NXPH1: variants seen among roughly 807,000 people sequenced by gnomAD.
NXPH1 encodes the protein neurexophilin-1.
In NXPH1, 5 loss-of-function variants were observed where a neutral mutation model predicts 23.7. The ratio of observed to expected loss-of-function variants is 0.21; its 90% CI spans 0.11 to 0.44. The LOEUF is 0.44. Ranked by LOEUF, NXPH1 falls within the 20% of genes least tolerant of loss-of-function variation. The pLI is 0.99. For synonymous variants in NXPH1, 144 were observed against 122.2 expected (o/e 1.18, Z -1.18); for missense variants, 324 against 321.6 (o/e 1.01, Z -0.06).
At chr7:8,475,197 G>T (rs1312730086) in intron 2 of NXPH1, among the ~76,000 whole-genome samples, 1 of 152,082 alleles carries the variant, frequency 6.6e-6, no homozygotes, top group Non-Finnish European at 1.5e-5. Flanking sequence ...CTTGTGTAAA[G>T]AGATCAAGGG....
chr7:8,737,561 A>T (rs928738416), intron 2 of NXPH1, among the ~76,000 whole-genome samples: 7 of 152,134 alleles, frequency 4.6e-5, no homozygotes, highest in Non-Finnish European at 1.0e-4. Flanking sequence ...GGCTGCCCTT[A>T]ACATTTTTTC....
At chr7:8,617,940 A>C (rs1248581811) in intron 2 of NXPH1, among the ~76,000 whole-genome samples, 1 of 152,116 alleles carries the variant, frequency 6.6e-6, no homozygotes, top group Non-Finnish European at 1.5e-5. Flanking sequence ...ACCCACGACA[A>C]TTAAAGTTTT....
intron 2 of NXPH1, among the ~76,000 whole-genome samples, chr7:8,617,028 G>T (rs1355953979): frequency 6.6e-6 from 1 of 152,076 alleles, no homozygotes; most frequent in Non-Finnish European, 1.5e-5. Context: ...GAGAGCAGTG[G>T]TTCTCAACTG....
At chr7:8,448,661 C>A (rs956089465) in intron 2 of NXPH1, among the ~76,000 whole-genome samples, 2 of 151,764 alleles carry the variant, frequency 1.3e-5, no homozygotes, top group Non-Finnish European at 2.9e-5. Context: ...TACTAAAATA[C>A]AAAAAACGAG....
rs1255681767 is a variant in NXPH1, at chr7:8,751,485, T to C, written c.532T>C (p.Leu178=). Residue 178 remains leucine, a synonymous_variant, in exon 3 of 3, where the codon TTG becomes CTG. Transcript: ENST00000405863. This position sits in a 1 kb window ranked among gnomAD's most constrained non-coding sequence, Gnocchi z 4.5. ...CCCTACAAAAATCGTGGAATTTGAC[T>C]TGGCACAACAAACCGTGATTGATGC... ...VPPTKIVEFD[L]AQQTVIDAKD... The C allele has an allele frequency of 1.2e-6, 2 of 1,613,698 alleles. No individual in the cohort carries two copies. Among genetic ancestry groups the C allele is most frequent in the African/African-American group, 1.3e-5 (1 of 74,938 alleles).
In NXPH1 at chr7:8,573,328, C is replaced by T. The variant is rs191732606; in HGVS notation, c.54+137561C>T. 3.3e-5 allele frequency among the ~76,000 whole-genome samples: 5 copies of T among 152,106 alleles called. No individual in the cohort carries two copies. The East Asian group carries it at 9.7e-4, about 29-fold the overall frequency. On this transcript the variant is annotated intron_variant, in intron 2 of 2. Transcript: ENST00000405863. ...GTTTTACATTTAAATAAATTTATAT[C>T]TCTATTTCTGAGTCTTAGAAGTAAA...
At chr7:8,621,985 C>G (rs1819885292) in intron 2 of NXPH1, among the ~76,000 whole-genome samples, 1 of 152,100 alleles carries the variant, frequency 6.6e-6, no homozygotes, top group African/African-American at 2.4e-5. Flanking sequence ...AGTCACTTTG[C>G]ACATGTCATG....
At chr7:8,678,815 G>A (rs1820997002) in intron 2 of NXPH1, among the ~76,000 whole-genome samples, 1 of 151,718 alleles carries the variant, frequency 6.6e-6, no homozygotes, top group Non-Finnish European at 1.5e-5. Flanking sequence ...TTTATGTAGA[G>A]TGGTCCCACA....
At chr7:8,547,515 G>C (rs544040483) in intron 2 of NXPH1, among the ~76,000 whole-genome samples, 1 of 151,506 alleles carries the variant, frequency 6.6e-6, no homozygotes, top group South Asian at 2.1e-4. Context: ...AGGTGGTACA[G>C]GTGGTACAGG....
intron 2 of NXPH1, among the ~76,000 whole-genome samples, chr7:8,661,232 A>T (rs1380211374): frequency 6.6e-6 from 1 of 152,174 alleles, no homozygotes; most frequent in African/African-American, 2.4e-5. Context: ...GGTTTGCAGC[A>T]CATAAAATGA....
At chr7:8,704,775 G>T (rs1779678077) in intron 2 of NXPH1, among the ~76,000 whole-genome samples, 1 of 151,842 alleles carries the variant, frequency 6.6e-6, no homozygotes, top group South Asian at 2.1e-4. Context: ...AAAATTGTAG[G>T]TCTGGTGGCC....
At chr7:8,695,215 G>T (rs1821288227) in intron 2 of NXPH1, among the ~76,000 whole-genome samples, 1 of 152,144 alleles carries the variant, frequency 6.6e-6, no homozygotes, top group Non-Finnish European at 1.5e-5. Context: ...TTAAGGTCTT[G>T]GCGGATGCTA....
chr7:8,748,188 C>A (rs369382942), intron 2 of NXPH1, among the ~76,000 whole-genome samples: 1 of 152,066 alleles, frequency 6.6e-6, no homozygotes, highest in African/African-American at 2.4e-5. Context: ...GCTAAAGCAA[C>A]GATTTTGCTG....
intron 2 of NXPH1, among the ~76,000 whole-genome samples, chr7:8,447,718 A>G (rs1816429762): frequency 6.6e-6 from 1 of 152,258 alleles, no homozygotes; most frequent in Admixed American, 6.5e-5. Flanking sequence ...CCTGCCTTGC[A>G]TTCTTGACTG....
intron 2 of NXPH1, among the ~76,000 whole-genome samples, chr7:8,749,768 T>C (rs1026034761): frequency 7.9e-5 from 12 of 152,338 alleles, no homozygotes; most frequent in African/African-American, 2.9e-4. Flanking sequence ...CAGCCTTACC[T>C]TAAAACAGCA....
At chr7:8,722,909 C>T (rs1779992542) in intron 2 of NXPH1, among the ~76,000 whole-genome samples, 2 of 152,088 alleles carry the variant, frequency 1.3e-5, no homozygotes. Flanking sequence ...GTGATTGTAA[C>T]TCTCAACAGT....
intron 2 of NXPH1, among the ~76,000 whole-genome samples, chr7:8,532,776 T>C (rs1028750122): frequency 3.9e-5 from 6 of 152,138 alleles, no homozygotes; most frequent in Non-Finnish European, 7.3e-5. Flanking sequence ...TTCTATGGCC[T>C]TGGGCAAGAT....
intron 2 of NXPH1, among the ~76,000 whole-genome samples, chr7:8,555,355 T>C (rs1818340791): frequency 1.3e-5 from 2 of 151,670 alleles, no homozygotes; most frequent in South Asian, 4.1e-4. Flanking sequence ...GTAAGGAATC[T>C]GCTTAGACAC....
At chr7:8,448,831 A>G (rs1816453673) in intron 2 of NXPH1, among the ~76,000 whole-genome samples, 1 of 151,770 alleles carries the variant, frequency 6.6e-6, no homozygotes, top group Admixed American at 6.6e-5. Context: ...AAAAAAAAAA[A>G]AAAAAAAAAA....
Sources: gnomAD v4.1 joint callset for allele counts (sites outside exome capture counted in the v4.1 genomes callset) on GRCh38, gnomAD v4.1.1 for gene constraint, Gnocchi (gnomAD v3.1) non-coding constraint, MANE v1.5 for transcripts, NCBI Gene and HGNC (gene_info 2026-07-23, HGNC 2026-07-21) for gene names.